Variants in LMO7 observed in about 807,000 individuals in gnomAD.
LMO7 encodes the protein LIM domain only protein 7.
LMO7 carries 120 observed loss-of-function variants against 206.5 expected under a neutral mutation model. The observed-to-expected ratio is 0.58, with a 90% CI of 0.50 to 0.68. The LOEUF (loss-of-function observed/expected upper bound fraction) is 0.68. Among genes scored for constraint, LMO7 ranks in the 30% least tolerant of loss-of-function variants. The pLI is 0.00. For synonymous variants in LMO7, 706 were observed against 681.5 expected (o/e 1.04, Z -0.56); for missense variants, 1,959 against 1,957.9 (o/e 1.00, Z -0.01).
chr13:75,847,172 A>G (rs1463414378), intron 26 of LMO7, among the ~76,000 whole-genome samples: 1 of 152,246 alleles, frequency 6.6e-6, no homozygotes, highest in African/African-American at 2.4e-5. Context: ...AGGCATAGAC[A>G]AACAATAAAT....
At chr13:75,744,575 C>T (rs1006387989) in intron 3 of LMO7, among the ~76,000 whole-genome samples, 14 of 152,160 alleles carry the variant, frequency 9.2e-5, no homozygotes, top group Admixed American at 5.2e-4. Flanking sequence ...CCTTTTGTTA[C>T]GTAGAAATTG....
rs1010318890 is a variant in LMO7, at chr13:75,841,014, G to A, written c.3583-95G>A. On this transcript the variant is annotated intron_variant, in intron 22 of 30. Transcript: ENST00000377534. ...AAATCATGGTCTTTAAAGGTTTGAGGTTGAAGGTTTAGAGATCATAAAAGT... is the reference window on the plus strand; with the variant it reads ...AAATCATGGTCTTTAAAGGTTTGAGATTGAAGGTTTAGAGATCATAAAAGT... 25 of 753,244 alleles carry A rather than the reference G, an allele frequency of 3.3e-5. No individual in the cohort carries two copies. The African/African-American group carries it at 3.7e-4, about 11-fold the overall frequency. 46.7% of individuals were successfully genotyped at this position (753,244 alleles called of 1,614,324 possible).
intron 3 of LMO7, among the ~76,000 whole-genome samples, chr13:75,731,529 A>G (rs2045221006): frequency 1.3e-5 from 2 of 152,050 alleles, no homozygotes; most frequent in East Asian, 1.9e-4. Context: ...GTGTCTCTGC[A>G]TGTGAGATGG....
intron 1 of LMO7, among the ~76,000 whole-genome samples, chr13:75,648,082 G>C (rs1165650676): frequency 6.7e-6 from 1 of 150,194 alleles, no homozygotes; most frequent in African/African-American, 2.4e-5. Flanking sequence ...TGAGTAGCTG[G>C]GGCTATCGGT....
chr13:75,694,891 A>C (rs1005135893), intron 1 of LMO7, among the ~76,000 whole-genome samples: 4 of 152,168 alleles, frequency 2.6e-5, no homozygotes, highest in Non-Finnish European at 5.9e-5. Flanking sequence ...AAGAGCACCT[A>C]GCCGGTGAGC....
rs200049593 is a variant in LMO7 at position 75,781,120 on chromosome 13, G to C, written c.318-14281G>C. Reference sequence around the variant, plus strand: ...CCTTTTTTTTTTTTTTTTTTTTTTTGCTTTTTTTTTTCTTTTATTATTATA... The same window carrying C: ...CCTTTTTTTTTTTTTTTTTTTTTTTCCTTTTTTTTTTCTTTTATTATTATA... On this transcript the variant is annotated intron_variant, in intron 4 of 30. Transcript: ENST00000377534. Among the ~76,000 whole-genome samples, 32 of 30,656 alleles carry C rather than the reference G, an allele frequency of 1.0e-3. 1 individual carries two copies. The highest frequency in any genetic ancestry group is 3.4e-3 in the African/African-American group (27 of 7,918). 20.1% of individuals were successfully genotyped at this position (30,656 alleles called of 152,430 possible).
At chr13:75,814,072 TAG>T (rs754566873) in intron 11 of LMO7, among the ~76,000 whole-genome samples, 11 of 152,216 alleles carry the variant, frequency 7.2e-5, no homozygotes, top group Non-Finnish European at 1.5e-4. Flanking sequence ...CATACCTAGT[TAG>T]ATATATTACA....
intron 3 of LMO7, among the ~76,000 whole-genome samples, chr13:75,728,432 G>A (rs2044709384): frequency 1.3e-5 from 2 of 151,876 alleles, no homozygotes; most frequent in Admixed American, 6.5e-5. Context: ...CTTTTGAGAA[G>A]TGTCTGTCCA....
At chr13:75,764,022 A>T (rs2048535464) in intron 4 of LMO7, among the ~76,000 whole-genome samples, 1 of 151,960 alleles carries the variant, frequency 6.6e-6, no homozygotes, top group Admixed American at 6.6e-5. Flanking sequence ...ATGTGTTCTA[A>T]TTTTCTAATA....
upstream of LMO7, among the ~76,000 whole-genome samples, chr13:75,633,187 G>A (rs930110190): frequency 1.3e-5 from 2 of 152,060 alleles, no homozygotes; most frequent in African/African-American, 2.4e-5. Context: ...TTGAATAGCC[G>A]ACAAGAGAGA....
rs980808859 is a variant in LMO7 at position 75,710,973 on chromosome 13, A to G, written c.70-2209A>G. On this transcript the variant is annotated intron_variant, in intron 1 of 30. Transcript: ENST00000377534. ...CTCTTATTATTTTGAGATACGTCCC[A>G]TCAATACCTAATTTATTGAGAGTTT... Among the ~76,000 whole-genome samples, 11 of 152,250 alleles carry G rather than the reference A, an allele frequency of 7.2e-5. No homozygotes were observed. In the South Asian group the frequency reaches 8.3e-4, roughly 11 times the overall value.
intron 11 of LMO7, among the ~76,000 whole-genome samples, chr13:75,815,741 G>T (rs1345047268): frequency 5.3e-5 from 8 of 152,314 alleles, no homozygotes; most frequent in Middle Eastern, 3.4e-3. Flanking sequence ...ACTGTACTCT[G>T]ATCTAGGGTG....
intron 29 of LMO7, 129 bp from the exon 30 acceptor site, chr13:75,856,377 T>C: frequency 1.7e-6 from 1 of 605,632 alleles, no homozygotes; most frequent in East Asian, 2.7e-5. Flanking sequence ...TCGGCCTTTT[T>C]TTTTCTTTGC....
intron 2 of LMO7, among the ~76,000 whole-genome samples, chr13:75,724,404 T>C (rs183843332): frequency 4.7e-4 from 72 of 152,192 alleles, no homozygotes; most frequent in African/African-American, 1.5e-3. Context: ...GCTGAAAAAA[T>C]GGCTCCTTGA....
At chr13:75,786,541 A>AT (rs902277705) in intron 4 of LMO7, among the ~76,000 whole-genome samples, 13 of 150,856 alleles carry the variant, frequency 8.6e-5, no homozygotes, top group African/African-American at 1.7e-4. Context: ...CGCCTGGCTA[A>AT]TTTTTTTTTG....
intron 1 of LMO7, among the ~76,000 whole-genome samples, chr13:75,652,949 A>G (rs1016748180): frequency 6.6e-6 from 1 of 152,082 alleles, no homozygotes; most frequent in Non-Finnish European, 1.5e-5. Flanking sequence ...TTCCTGCCAT[A>G]TGTTCCAGTA....
At chr13:75,785,654 G>C (rs988817975) in intron 4 of LMO7, among the ~76,000 whole-genome samples, 1 of 152,128 alleles carries the variant, frequency 6.6e-6, no homozygotes, top group South Asian at 2.1e-4. Context: ...CAATTTGCTA[G>C]TATGTGTATT....
At chr13:75,802,345 C>T (rs867697890) in intron 7 of LMO7, among the ~76,000 whole-genome samples, 3 of 152,112 alleles carry the variant, frequency 2.0e-5, no homozygotes, top group South Asian at 2.1e-4. Flanking sequence ...GATTCCAATA[C>T]GTTTAAGGAA....
intron 1 of LMO7, among the ~76,000 whole-genome samples, chr13:75,642,624 A>C (rs906504777): frequency 3.9e-5 from 6 of 151,984 alleles, no homozygotes; most frequent in African/African-American, 1.2e-4. Context: ...TAAATAAATA[A>C]ATAAATAGAG....
Sources: gnomAD v4.1 joint callset for allele counts (sites outside exome capture counted in the v4.1 genomes callset) on GRCh38, gnomAD v4.1.1 for gene constraint, MANE v1.5 for transcripts, NCBI Gene and HGNC (gene_info 2026-07-23, HGNC 2026-07-21) for gene names.